IFT80: variants seen among roughly 807,000 people sequenced by gnomAD.
IFT80 encodes the protein intraflagellar transport protein 80 homolog.
A neutral mutation model predicts 107.9 loss-of-function variants in IFT80; 79 were observed. That is an observed-to-expected ratio of 0.73 (90% CI 0.61 to 0.88). The LOEUF is 0.88. Among genes scored for constraint, IFT80 ranks in the 40% least tolerant of loss-of-function variants. The pLI, the probability that IFT80 is intolerant of heterozygous loss-of-function variation, is 0.00. For synonymous variants in IFT80, 299 were observed against 300.9 expected, an observed-to-expected ratio of 0.99 and a Z score of 0.07; for missense variants, 797 against 914.2, an observed-to-expected ratio of 0.87 and a Z score of 1.65.
chr3:160,320,672 T>A (rs972404394), intron 8 of IFT80, among the ~76,000 whole-genome samples: 1 of 151,936 alleles, frequency 6.6e-6, no homozygotes, highest in Non-Finnish European at 1.5e-5. Flanking sequence ...ACTAAACTTA[T>A]ATACATATTC....
chr3:160,297,501 T>G (rs903937266), intron 12 of IFT80, among the ~76,000 whole-genome samples: 3 of 152,120 alleles, frequency 2.0e-5, no homozygotes, highest in Admixed American at 1.3e-4. Flanking sequence ...TCCAGAGGAT[T>G]GCACTTTTAA....
chr3:160,302,130 T>C (rs1297726791), intron 11 of IFT80, among the ~76,000 whole-genome samples: 1 of 152,058 alleles, frequency 6.6e-6, no homozygotes, highest in Non-Finnish European at 1.5e-5. Flanking sequence ...AAGACATTAT[T>C]ACTTTTCAAA....
intron 1 of IFT80, among the ~76,000 whole-genome samples, chr3:160,393,120 T>A (rs1713509272): frequency 6.6e-6 from 1 of 152,186 alleles, no homozygotes. Context: ...CACTCTTCAG[T>A]GGCTTCCTAT....
At chr3:160,275,217 C>T (rs922223681) in intron 18 of IFT80, among the ~76,000 whole-genome samples, 1 of 152,160 alleles carries the variant, frequency 6.6e-6, no homozygotes, top group East Asian at 1.9e-4. Context: ...ACTATTTCAA[C>T]CTCTGTATGT....
Position 160,381,239 on chromosome 3 carries a change from AAT to A in IFT80, c.259+262_259+263del, listed in dbSNP as rs56915671. 5.5e-3 allele frequency among the ~76,000 whole-genome samples: 476 copies of A among 86,188 alleles called. 29 individuals carry two copies. The highest frequency in any genetic ancestry group is 0.012 in the African/African-American group (333 of 27,396). The allele number at this position is 86,188 out of a possible 152,430, so 56.5% of individuals were successfully genotyped here. ...GCAACAGAGTGAGACCCCATCTCTA[AAT>A]ATATATATATATATATATATATATT... On this transcript the variant is annotated intron_variant, in intron 3 of 19. Transcript: ENST00000326448.
intron 13 of IFT80, 114 bp downstream of exon 13, chr3:160,285,690 A>G: frequency 1.3e-6 from 1 of 768,268 alleles, no homozygotes; most frequent in Admixed American, 2.6e-5. Context: ...ATGCACATTG[A>G]TTTTAAATAA....
chr3:160,386,720 TG>T (rs1179253196), intron 1 of IFT80, among the ~76,000 whole-genome samples: 1 of 152,162 alleles, frequency 6.6e-6, no homozygotes, highest in Admixed American at 6.6e-5. Flanking sequence ...GCCTCAAAAT[TG>T]ATCTTCCTAT....
intron 1 of IFT80, among the ~76,000 whole-genome samples, chr3:160,398,186 C>T (rs550022790): frequency 1.3e-5 from 2 of 152,172 alleles, no homozygotes; most frequent in Non-Finnish European, 2.9e-5. Flanking sequence ...TGAGTCTACG[C>T]TTATGCAATA....
intron 8 of IFT80, among the ~76,000 whole-genome samples, chr3:160,321,093 AC>A (rs1718179745): frequency 6.6e-6 from 1 of 151,806 alleles, no homozygotes; most frequent in Admixed American, 6.6e-5. Context: ...ACAAACCATA[AC>A]CTTTGCTTCA....
At chr3:160,330,331 G>GTAA (rs1359505566) in intron 8 of IFT80, among the ~76,000 whole-genome samples, 1 of 152,042 alleles carries the variant, frequency 6.6e-6, no homozygotes, top group Non-Finnish European at 1.5e-5. Context: ...TTGTAATTTG[G>GTAA]TTTATCATTA....
At chr3:160,285,379 T>C (rs930371978) in intron 13 of IFT80, among the ~76,000 whole-genome samples, 31 of 152,182 alleles carry the variant, frequency 2.0e-4, no homozygotes, top group African/African-American at 7.5e-4. Context: ...TCAGGGTCTT[T>C]TGTACTTTGT....
rs745522185 is a variant in IFT80, at chr3:160,258,562, C to T, written c.2297G>A (p.Ser766Asn). The T allele has an allele frequency of 2.5e-6, 4 of 1,613,614 alleles. No homozygotes were observed. Among genetic ancestry groups the T allele is most frequent in the Non-Finnish European group, 3.4e-6 (4 of 1,179,952 alleles). Residue 766 changes from serine to asparagine, a missense_variant, in exon 20 of 20, where the codon AGC (serine) becomes AAC (asparagine). By Grantham distance (46) the Ser-to-Asn change is conservative. Coordinates refer to ENST00000326448, the MANE Select transcript of IFT80 (RefSeq NM_020800.3). ...EITKEREQSSSSQSSKSIGLK... is the reference protein window; with the variant it reads ...EITKEREQSSNSQSSKSIGLK... Reference sequence around the variant, plus strand: ...ACCTATACTCTTGCTGGATTGGCTGCTTGATGATTGCTCTCTTTCTTTTGT... The same window carrying T: ...ACCTATACTCTTGCTGGATTGGCTGTTTGATGATTGCTCTCTTTCTTTTGT...
intron 8 of IFT80, among the ~76,000 whole-genome samples, chr3:160,345,398 C>G (rs955098674): frequency 6.6e-6 from 1 of 152,010 alleles, no homozygotes; most frequent in Non-Finnish European, 1.5e-5. Context: ...CAATTGAACT[C>G]ATGGAGATAG....
intron 10 of IFT80, among the ~76,000 whole-genome samples, chr3:160,305,112 C>T (rs1716744034): frequency 6.6e-6 from 1 of 152,084 alleles, no homozygotes; most frequent in Non-Finnish European, 1.5e-5. Context: ...AAAACCCATC[C>T]TTAAATAATA....
intron 6 of IFT80, among the ~76,000 whole-genome samples, chr3:160,362,874 A>C (rs1305723908): frequency 6.6e-6 from 1 of 152,200 alleles, no homozygotes; most frequent in African/African-American, 2.4e-5. Context: ...ATCTCAAAAT[A>C]ATAAGAGCTA....
intron 14 of IFT80, among the ~76,000 whole-genome samples, chr3:160,281,096 C>T (rs1324126241): frequency 6.6e-6 from 1 of 152,180 alleles, no homozygotes; most frequent in African/African-American, 2.4e-5. Context: ...AGTTAATCCT[C>T]TTGCCCTCAG....
intron 14 of IFT80, 63 bp downstream of exon 14, chr3:160,282,411 ATTAT>A (rs1249039055): frequency 2.7e-6 from 3 of 1,105,284 alleles, no homozygotes; most frequent in African/African-American, 3.2e-5. Context: ...ATTCATTCAA[ATTAT>A]TTATTACAGC....
rs563120950 is a variant in IFT80 at position 160,275,614 on chromosome 3, C to T, written c.2099+1692G>A. On this transcript the variant is annotated intron_variant, in intron 18 of 19. Coordinates refer to ENST00000326448, the MANE Select transcript of IFT80 (RefSeq NM_020800.3). The stretch of plus-strand genomic sequence containing the variant: ...CGAAATGGAATTCCTAATTAGGTTA[C>T]AAGCTTTTTAAGATAAAGACCATTA... Among the ~76,000 whole-genome samples the T allele has an allele frequency of 1.2e-4, 18 of 152,160 alleles. No homozygotes were observed. The South Asian group carries it at 3.5e-3, about 30-fold the overall frequency.
chr3:160,316,371 G>A (rs373921753), intron 9 of IFT80, among the ~76,000 whole-genome samples: 147 of 152,218 alleles, frequency 9.7e-4, no homozygotes, highest in South Asian at 7.9e-3. Flanking sequence ...CTAAAGTCCT[G>A]GTCAATGCCT....
Sources: allele counts gnomAD v4.1 joint callset (sites outside exome capture counted in the v4.1 genomes callset), GRCh38; gene constraint gnomAD v4.1.1; transcripts MANE v1.5; gene names NCBI Gene and HGNC (gene_info 2026-07-23, HGNC 2026-07-21).